The following CORO1C variants were observed in gnomAD, a reference collection of about 807,000 sequenced individuals.
The protein encoded by CORO1C is coronin 1C.
In CORO1C, 14 loss-of-function variants were observed where a neutral mutation model predicts 51.2. The observed-to-expected ratio is 0.27, with a 90% CI of 0.18 to 0.43. The LOEUF is 0.43. CORO1C is among the 20% of genes least tolerant of loss of function. CORO1C has a pLI of 1.00. For synonymous variants in CORO1C, 181 were observed against 210.5 expected, an observed-to-expected ratio of 0.86 and a Z score of 1.21; for missense variants, 417 against 607.8, an observed-to-expected ratio of 0.69 and a Z score of 3.30.
In CORO1C at chr12:108,655,046, T is replaced by C. The variant is rs2032876524; in HGVS notation, c.751-636A>G. Among the ~76,000 whole-genome samples, 3 of 151,760 alleles carry C rather than the reference T, an allele frequency of 2.0e-5. No individual in the cohort carries two copies. The South Asian group carries it at 6.2e-4, about 31-fold the overall frequency. On this transcript the variant is annotated intron_variant, in intron 6 of 10. Coordinates refer to ENST00000261401, the MANE Select transcript of CORO1C (RefSeq NM_014325.4). ...AGTACTTCTTTAATTATAAAATATG[T>C]GTGCTTTTAAAAAGTTGAAAGATAT...
At chr12:108,654,506 T>C in intron 6 of CORO1C, 96 bp from the exon 7 acceptor site, 1 of 636,726 alleles carries the variant, frequency 1.6e-6, no homozygotes, top group Admixed American at 3.0e-5. Context: ...CTATCCCAAT[T>C]AAGCGAGCCA....
At chr12:108,665,015 G>T (rs2033418932) in intron 3 of CORO1C, among the ~76,000 whole-genome samples, 1 of 152,168 alleles carries the variant, frequency 6.6e-6, no homozygotes, top group African/African-American at 2.4e-5. Flanking sequence ...CCCAACCATG[G>T]CCTGCTGGGT....
At chr12:108,673,419 A>G (rs2033789275) in intron 3 of CORO1C, among the ~76,000 whole-genome samples, 1 of 152,250 alleles carries the variant, frequency 6.6e-6, no homozygotes, top group African/African-American at 2.4e-5. Context: ...GAGGTTAACG[A>G]AAGACGCCAT....
chr12:108,720,776 G>T (rs1330509863), intron 1 of CORO1C, among the ~76,000 whole-genome samples: 2 of 152,128 alleles, frequency 1.3e-5, no homozygotes, highest in African/African-American at 4.8e-5. Flanking sequence ...ACCCGCCTCA[G>T]CCTCCTAAAG....
chr12:108,682,315 C>A (rs2034151716), intron 2 of CORO1C, among the ~76,000 whole-genome samples: 1 of 151,794 alleles, frequency 6.6e-6, no homozygotes, highest in Non-Finnish European at 1.5e-5. Flanking sequence ...TAGATTATAT[C>A]CAGCTACACA....
rs140851075 is a variant in CORO1C at position 108,691,332 on chromosome 12, G to T, written c.195+9792C>A. Among the ~76,000 whole-genome samples the T allele has an allele frequency of 3.0e-4, 45 of 152,316 alleles. No individual in the cohort carries two copies. The East Asian group carries it at 7.5e-3, about 25-fold the overall frequency. On this transcript the variant is annotated intron_variant, in intron 2 of 10. Coordinates refer to ENST00000261401, the MANE Select transcript of CORO1C (RefSeq NM_014325.4). Reference sequence around the variant, plus strand: ...TCAACTTGGCAGGAGCAGATGATTTGCTACATGTGGTTATAAGGTGGCTTC... The same window carrying T: ...TCAACTTGGCAGGAGCAGATGATTTTCTACATGTGGTTATAAGGTGGCTTC...
chr12:108,687,610 C>T (rs916208418), intron 2 of CORO1C, among the ~76,000 whole-genome samples: 7 of 151,904 alleles, frequency 4.6e-5, no homozygotes, highest in African/African-American at 1.7e-4. Flanking sequence ...CATGATGAAA[C>T]TCCATCTTTA....
intron 3 of CORO1C, among the ~76,000 whole-genome samples, chr12:108,669,643 G>A (rs1309330271): frequency 1.6e-5 from 2 of 124,644 alleles, no homozygotes; most frequent in Non-Finnish European, 3.2e-5. Flanking sequence ...CAATAGCCTA[G>A]GCTTGAGAAA....
Position 108,678,338 on chromosome 12 carries a change from C to A in CORO1C, c.252G>T (p.Leu84=). 6.2e-7 allele frequency: 1 copy of A among 1,610,430 alleles called. No homozygotes were observed. Among genetic ancestry groups the A allele is most frequent in the Non-Finnish European group, 8.5e-7 (1 of 1,177,996 alleles). ...CGTTATGTGGGCACCAGTCTATGTC[C>A]AGCACTGGTCCTGTGTGGCCACATA... ...PTVCGHTGPV[L]DIDWCPHNDQ... The change falls in exon 3 of 11, where the codon CTG becomes CTT. Residue 84 remains leucine (L), a synonymous_variant. Transcript: ENST00000261401.
At chr12:108,699,280 A>G (rs1565928493) in intron 2 of CORO1C, among the ~76,000 whole-genome samples, 1 of 152,250 alleles carries the variant, frequency 6.6e-6, no homozygotes, top group East Asian at 1.9e-4. Context: ...CAAATGGGAT[A>G]AGTGAAACTC....
At chr12:108,704,648 A>T (rs997602205) in intron 1 of CORO1C, among the ~76,000 whole-genome samples, 1 of 152,250 alleles carries the variant, frequency 6.6e-6, no homozygotes, top group African/African-American at 2.4e-5. Flanking sequence ...AGGCATCTCT[A>T]AGCGGAGCTT....
chr12:108,649,393 G>A (rs1013444570), intron 8 of CORO1C: 4 of 277,030 alleles, frequency 1.4e-5, no homozygotes. Flanking sequence ...ACACACATCT[G>A]TTAGATTGTA....
At chr12:108,723,707 T>C (rs1050082270) in intron 1 of CORO1C, among the ~76,000 whole-genome samples, 18 of 152,360 alleles carry the variant, frequency 1.2e-4, no homozygotes, top group Admixed American at 9.8e-4. Flanking sequence ...AACCACATTG[T>C]GAAACAATAA....
intron 1 of CORO1C, among the ~76,000 whole-genome samples, chr12:108,719,475 A>T (rs1424267502): frequency 6.6e-6 from 1 of 152,244 alleles, no homozygotes; most frequent in Non-Finnish European, 1.5e-5. Context: ...TCATTTTAAC[A>T]GTTGTAGTGG....
chr12:108,712,175 G>C (rs1001920305), intron 1 of CORO1C, among the ~76,000 whole-genome samples: 1 of 152,158 alleles, frequency 6.6e-6, no homozygotes, highest in African/African-American at 2.4e-5. Flanking sequence ...GAAGAGATCC[G>C]ATGTGTTATT....
intron 3 of CORO1C, among the ~76,000 whole-genome samples, chr12:108,674,264 G>A (rs777200000): frequency 6.6e-6 from 1 of 152,194 alleles, no homozygotes; most frequent in Non-Finnish European, 1.5e-5. Flanking sequence ...TGGGCAAAGT[G>A]AATTAAAAAC....
chr12:108,686,985 G>A (rs1253632125), intron 2 of CORO1C, among the ~76,000 whole-genome samples: 1 of 152,164 alleles, frequency 6.6e-6, no homozygotes, highest in Admixed American at 6.5e-5. Flanking sequence ...GCATGTTCCA[G>A]CCAGCAACCT....
At chr12:108,713,289 T>C (rs2035234911) in intron 1 of CORO1C, among the ~76,000 whole-genome samples, 1 of 152,236 alleles carries the variant, frequency 6.6e-6, no homozygotes, top group Admixed American at 6.5e-5. Flanking sequence ...AGAAAAACTA[T>C]TGACCACTTA....
At chr12:108,709,357 G>A (rs1429744498) in intron 1 of CORO1C, among the ~76,000 whole-genome samples, 2 of 152,152 alleles carry the variant, frequency 1.3e-5, no homozygotes, top group South Asian at 2.1e-4. Context: ...TGGGCTAAAA[G>A]TAGAATTTTC....
Sources: gnomAD v4.1 joint callset for allele counts (sites outside exome capture counted in the v4.1 genomes callset) on GRCh38, gnomAD v4.1.1 for gene constraint, MANE v1.5 for transcripts, NCBI Gene and HGNC (gene_info 2026-07-23, HGNC 2026-07-21) for gene names.